DPP10: variants seen among roughly 807,000 people sequenced by gnomAD.
The protein encoded by DPP10 is dipeptidyl peptidase like 10.
Under a neutral mutation model 120.9 loss-of-function variants are expected in DPP10, and 33 were observed. The observed-to-expected ratio is 0.27, with a 90% CI of 0.21 to 0.37. DPP10 has a LOEUF of 0.37. DPP10 is among the 10% of genes least tolerant of loss of function. The pLI, the probability that DPP10 is intolerant of heterozygous loss-of-function variation, is 1.00. For missense variants in DPP10, 816 were observed against 942.8 expected (o/e 0.87, Z 1.76); for synonymous variants, 337 against 326.1 (o/e 1.03, Z -0.36).
At chr2:114,582,631 T>C (rs1690628936) in intron 1 of DPP10, among the ~76,000 whole-genome samples, 1 of 152,230 alleles carries the variant, frequency 6.6e-6, no homozygotes, top group Non-Finnish European at 1.5e-5. Context: ...ATTTTGGCCA[T>C]TCTAGTGCGT....
chr2:115,632,128 G>A (rs11888108), intron 5 of DPP10, among the ~76,000 whole-genome samples: 1,683 of 152,226 alleles, frequency 0.011, 28 homozygotes, highest in African/African-American at 0.039. Flanking sequence ...CTGATAGCTA[G>A]CTCTTCTTGT....
intron 1 of DPP10, among the ~76,000 whole-genome samples, chr2:115,267,491 A>T (rs148266913): frequency 1.2e-3 from 178 of 152,292 alleles, no homozygotes; most frequent in African/African-American, 4.1e-3. Context: ...TTTTTCAGGC[A>T]TGTAAAGAGT....
chr2:114,494,043 T>C (rs1458112783), intron 1 of DPP10, among the ~76,000 whole-genome samples: 1 of 135,482 alleles, frequency 7.4e-6, no homozygotes, highest in Non-Finnish European at 1.5e-5. Context: ...TCTATTTTAG[T>C]GAAAGTATGC....
intron 1 of DPP10, among the ~76,000 whole-genome samples, chr2:114,941,345 T>C (rs1213715655): frequency 2.6e-5 from 4 of 152,116 alleles, no homozygotes; most frequent in Non-Finnish European, 4.4e-5. Flanking sequence ...TTCTTCTCAA[T>C]TGGATACCAT....
At chr2:115,267,753 C>T (rs2059520681) in intron 1 of DPP10, among the ~76,000 whole-genome samples, 1 of 152,170 alleles carries the variant, frequency 6.6e-6, no homozygotes, top group South Asian at 2.1e-4. Context: ...AAATCCATCT[C>T]AAATCACAGA....
chr2:115,583,285 G>A (rs879608759), intron 5 of DPP10, among the ~76,000 whole-genome samples: 2 of 152,122 alleles, frequency 1.3e-5, no homozygotes, highest in Admixed American at 1.3e-4. Context: ...TATGTCTAAG[G>A]TTAGTAGCAT....
intron 3 of DPP10, among the ~76,000 whole-genome samples, chr2:115,351,970 C>A (rs962064430): frequency 2.6e-5 from 4 of 151,906 alleles, no homozygotes; most frequent in Non-Finnish European, 5.9e-5. Flanking sequence ...GAATTTAAAT[C>A]TAAATAGTTT....
intron 1 of DPP10, among the ~76,000 whole-genome samples, chr2:114,595,852 T>C (rs1285531409): frequency 6.6e-6 from 1 of 152,144 alleles, no homozygotes; most frequent in African/African-American, 2.4e-5. Context: ...ATGACCTGAA[T>C]GTCCTCAACA....
intron 1 of DPP10, among the ~76,000 whole-genome samples, chr2:115,092,660 C>A (rs1709365267): frequency 6.6e-6 from 1 of 152,000 alleles, no homozygotes; most frequent in Non-Finnish European, 1.5e-5. Flanking sequence ...AAGTCAAATT[C>A]TAGGATTTAC....
At chr2:115,783,658 A>G (rs1683019036) in intron 17 of DPP10, among the ~76,000 whole-genome samples, 1 of 152,170 alleles carries the variant, frequency 6.6e-6, no homozygotes, top group Non-Finnish European at 1.5e-5. Flanking sequence ...TTCCGTCTTC[A>G]GTGTAAACCT....
At chr2:115,394,652 A>G (rs898884435) in intron 3 of DPP10, among the ~76,000 whole-genome samples, 2 of 152,158 alleles carry the variant, frequency 1.3e-5, no homozygotes, top group Non-Finnish European at 2.9e-5. Flanking sequence ...ATCAGATGCA[A>G]TCTTTACCCT....
chr2:115,286,526 A>ATATATATAATAT (rs10675008), intron 1 of DPP10, among the ~76,000 whole-genome samples: 3 of 60,946 alleles, frequency 4.9e-5, no homozygotes, highest in Non-Finnish European at 9.9e-5. Flanking sequence ...ATATATATAT[A>ATATATATAATAT]ATATATATAT....
chr2:115,442,727 A>G (rs1449671679), intron 3 of DPP10, among the ~76,000 whole-genome samples: 1 of 152,198 alleles, frequency 6.6e-6, no homozygotes, highest in East Asian at 1.9e-4. Flanking sequence ...ATCTATGTAC[A>G]GTTACTCTCC....
intron 19 of DPP10, among the ~76,000 whole-genome samples, chr2:115,793,777 C>T (rs1684245635): frequency 6.6e-6 from 1 of 151,964 alleles, no homozygotes; most frequent in Admixed American, 6.6e-5. Context: ...TATTAATTGA[C>T]ATTATCCACA....
chr2:114,690,497 T>C (rs1699665862), intron 1 of DPP10, among the ~76,000 whole-genome samples: 1 of 152,062 alleles, frequency 6.6e-6, no homozygotes, highest in Admixed American at 6.6e-5. Flanking sequence ...CTTGTAATAA[T>C]ATAGTTTGAA....
intron 4 of DPP10, among the ~76,000 whole-genome samples, chr2:115,518,313 A>G (rs552233836): frequency 1.3e-5 from 2 of 152,294 alleles, no homozygotes; most frequent in South Asian, 2.1e-4. Context: ...ACAATTAAAT[A>G]TCTTTTTTAT....
chr2:114,487,552 T>C (rs1160791270), intron 1 of DPP10, among the ~76,000 whole-genome samples: 2 of 152,218 alleles, frequency 1.3e-5, no homozygotes, highest in African/African-American at 2.4e-5. Context: ...CTATTAAGTT[T>C]CAGTTAATTG....
At chr2:115,196,014 T>C (rs2055238428) in intron 1 of DPP10, among the ~76,000 whole-genome samples, 1 of 152,218 alleles carries the variant, frequency 6.6e-6, no homozygotes, top group African/African-American at 2.4e-5. Flanking sequence ...ACAGGATCAA[T>C]ATTTCATGTC....
chr2:114,700,439 T>C (rs905556163), intron 1 of DPP10, among the ~76,000 whole-genome samples: 1 of 152,078 alleles, frequency 6.6e-6, no homozygotes, highest in African/African-American at 2.4e-5. Flanking sequence ...AGTAAAAATA[T>C]TTGTCAGGAA....
Sources: allele counts gnomAD v4.1 joint callset (sites outside exome capture counted in the v4.1 genomes callset), GRCh38; gene constraint gnomAD v4.1.1; transcripts MANE v1.5; gene names NCBI Gene and HGNC (gene_info 2026-07-23, HGNC 2026-07-21).